The following FGGY variants were observed in gnomAD, a reference collection of about 807,000 sequenced individuals.
FGGY encodes FGGY carbohydrate kinase domain-containing protein.
In FGGY, 72 loss-of-function variants were observed where a neutral mutation model predicts 71.3. The ratio of observed to expected loss-of-function variants is 1.01; its 90% confidence interval spans 0.84 to 1.23. The LOEUF (loss-of-function observed/expected upper bound fraction) is 1.23. Ranked by LOEUF, FGGY falls within the 50% of genes most tolerant of loss-of-function variation. FGGY has a pLI of 0.00. For missense variants in FGGY, 668 were observed against 682.3 expected, an observed-to-expected ratio of 0.98 and a Z score of 0.23; for synonymous variants, 251 against 250.3, an observed-to-expected ratio of 1.00 and a Z score of -0.02.
chr1:59,367,301 C>T (rs368443440), intron 4 of FGGY, among the ~76,000 whole-genome samples: 6 of 152,334 alleles, frequency 3.9e-5, no homozygotes, highest in South Asian at 2.1e-4. Flanking sequence ...ATGCTTCCAG[C>T]GTCATATTTC....
chr1:59,333,685 A>G (rs1050780031), intron 2 of FGGY, among the ~76,000 whole-genome samples: 1 of 152,218 alleles, frequency 6.6e-6, no homozygotes, highest in African/African-American at 2.4e-5. Flanking sequence ...AAAGCAAGAG[A>G]GGAGTTGCAA....
chr1:59,658,213 AC>A (rs1424455506), intron 11 of FGGY, among the ~76,000 whole-genome samples: 1 of 152,154 alleles, frequency 6.6e-6, no homozygotes, highest in Non-Finnish European at 1.5e-5. Flanking sequence ...TCCCTTAGGC[AC>A]ATTATTTCCT....
intron 13 of FGGY, 124 bp from the exon 14 acceptor site, chr1:59,673,915 G>A: frequency 5.7e-6 from 4 of 698,068 alleles, no homozygotes; most frequent in South Asian, 3.4e-5. Flanking sequence ...AGGACTGCAG[G>A]GAGTCGGGCG....
At chr1:59,725,428 T>A (rs999172797) in intron 14 of FGGY, among the ~76,000 whole-genome samples, 2 of 152,216 alleles carry the variant, frequency 1.3e-5, no homozygotes, top group African/African-American at 4.8e-5. Flanking sequence ...TTTGTTCTTT[T>A]TCTTTAGTAT....
chr1:59,571,692 A>G (rs1481625642), intron 8 of FGGY, among the ~76,000 whole-genome samples: 1 of 152,186 alleles, frequency 6.6e-6, no homozygotes, highest in Non-Finnish European at 1.5e-5. Flanking sequence ...ACAAATTTGA[A>G]TCAACTCAAA....
intron 14 of FGGY, among the ~76,000 whole-genome samples, chr1:59,741,705 G>C (rs962130212): frequency 1.3e-5 from 2 of 152,020 alleles, no homozygotes; most frequent in African/African-American, 2.4e-5. Flanking sequence ...GGGAGGCCGA[G>C]GCAGGTGGAT....
intron 11 of FGGY, among the ~76,000 whole-genome samples, chr1:59,645,949 G>T (rs1343230212): frequency 2.0e-5 from 3 of 152,240 alleles, no homozygotes; most frequent in Non-Finnish European, 4.4e-5. Flanking sequence ...GTTGAATGCT[G>T]CTCCAACAAC....
intron 5 of FGGY, among the ~76,000 whole-genome samples, chr1:59,403,885 C>T (rs1246171610): frequency 6.6e-6 from 1 of 152,216 alleles, no homozygotes; most frequent in Non-Finnish European, 1.5e-5. Context: ...TCAGTTTCCT[C>T]ATCTCAGATG....
intron 8 of FGGY, among the ~76,000 whole-genome samples, chr1:59,592,895 C>T (rs552892526): frequency 3.3e-5 from 5 of 151,820 alleles, no homozygotes; most frequent in Non-Finnish European, 4.4e-5. Flanking sequence ...TATAACTAAC[C>T]GGCACATTGT....
intron 5 of FGGY, among the ~76,000 whole-genome samples, chr1:59,420,434 T>C (rs1461621512): frequency 6.6e-6 from 1 of 152,240 alleles, no homozygotes. Flanking sequence ...AACAGGGCTC[T>C]ATTACCTTGC....
rs1236928964 is a variant in FGGY, at chr1:59,514,409, ACTCACTATGTC to A, written c.799+1974_799+1984del. On this transcript the variant is annotated intron_variant, in intron 7 of 15. Transcript: ENST00000303721. ...ACACACCTTCTCACTTCTGCCCAGGACTCACTATGTCCTCCAGGAGGGGAGACTGTCAATGA... is the reference window on the plus strand; with the variant it reads ...ACACACCTTCTCACTTCTGCCCAGGACTCCAGGAGGGGAGACTGTCAATGA... 9.9e-5 allele frequency among the ~76,000 whole-genome samples: 15 copies of A among 152,212 alleles called. No individual in the cohort carries two copies. The East Asian group carries it at 2.7e-3, about 27-fold the overall frequency.
At chr1:59,511,030 C>T (rs2094505509) in intron 6 of FGGY, among the ~76,000 whole-genome samples, 1 of 152,152 alleles carries the variant, frequency 6.6e-6, no homozygotes, top group Non-Finnish European at 1.5e-5. Context: ...GTGCTCAGCC[C>T]ACATGTGACT....
intron 14 of FGGY, among the ~76,000 whole-genome samples, chr1:59,682,424 G>C (rs1034521712): frequency 6.6e-6 from 1 of 152,228 alleles, no homozygotes; most frequent in African/African-American, 2.4e-5. Flanking sequence ...TAATTTGAGA[G>C]GGTTTAAAAG....
intron 5 of FGGY, among the ~76,000 whole-genome samples, chr1:59,436,351 G>T (rs895959159): frequency 4.6e-5 from 7 of 151,408 alleles, no homozygotes; most frequent in Non-Finnish European, 7.4e-5. Context: ...TCCTCCCCCC[G>T]CAAACTTCTT....
intron 5 of FGGY, among the ~76,000 whole-genome samples, chr1:59,434,776 C>T (rs2068067570): frequency 6.6e-6 from 1 of 151,624 alleles, no homozygotes; most frequent in Admixed American, 6.5e-5. Flanking sequence ...ACCTAATCAC[C>T]TCCCAAAGCC....
At chr1:59,577,500 A>G (rs777928283) in intron 8 of FGGY, among the ~76,000 whole-genome samples, 1 of 151,768 alleles carries the variant, frequency 6.6e-6, no homozygotes, top group African/African-American at 2.4e-5. Context: ...GAATTCCAGT[A>G]TTACTTGGAG....
At chr1:59,698,620 C>A in intron 14 of FGGY, 3 of 295,288 alleles carry the variant, frequency 1.0e-5, no homozygotes, top group Non-Finnish European at 1.5e-5. Context: ...TCTCTCTTTG[C>A]TGACCACTTG....
intron 15 of FGGY, among the ~76,000 whole-genome samples, chr1:59,760,518 T>C (rs2098332579): frequency 6.6e-6 from 1 of 152,224 alleles, no homozygotes. Context: ...ACATTATTCA[T>C]GATAGCGAAA....
intron 5 of FGGY, among the ~76,000 whole-genome samples, chr1:59,390,012 T>G (rs1455140963): frequency 1.3e-5 from 2 of 152,158 alleles, no homozygotes; most frequent in Non-Finnish European, 2.9e-5. Context: ...TGATTTGCAT[T>G]GTTTTATGGT....
Sources: gnomAD v4.1 joint callset for allele counts (sites outside exome capture counted in the v4.1 genomes callset) on GRCh38, gnomAD v4.1.1 for gene constraint, MANE v1.5 for transcripts, NCBI Gene and HGNC (gene_info 2026-07-23, HGNC 2026-07-21) for gene names.